SGIP1: variants seen among roughly 807,000 people sequenced by gnomAD.
The protein encoded by SGIP1 is SH3-containing GRB2-like protein 3-interacting protein 1.
SGIP1 carries 38 observed loss-of-function variants against 107.5 expected under a neutral mutation model. The ratio of observed to expected loss-of-function variants is 0.35; its 90% CI spans 0.27 to 0.46. The LOEUF (loss-of-function observed/expected upper bound fraction) is 0.46, where lower values mean the gene tolerates loss of function less well. Among genes scored for constraint, SGIP1 ranks in the 20% least tolerant of loss-of-function variants. The probability of loss-of-function intolerance (pLI) is 1.00; values close to 1 mark genes in which losing one functional copy is unlikely to be tolerated. For missense variants in SGIP1, 929 were observed against 1,019.5 expected (o/e 0.91, Z 1.21); for synonymous variants, 365 against 366.1 (o/e 1.00, Z 0.03).
At chr1:66,673,507 C>A in intron 12 of SGIP1, 141 bp downstream of exon 12, 2 of 704,706 alleles carry the variant, frequency 2.8e-6, no homozygotes, top group Non-Finnish European at 4.2e-6. Flanking sequence ...TCTAGGTGTG[C>A]TGTCAAGAAC....
intron 7 of SGIP1, among the ~76,000 whole-genome samples, chr1:66,648,004 G>A (rs1026529439): frequency 1.3e-5 from 2 of 152,204 alleles, no homozygotes; most frequent in Non-Finnish European, 2.9e-5. Flanking sequence ...TACCTGTGAT[G>A]TGGGGTGGGC....
intron 1 of SGIP1, among the ~76,000 whole-genome samples, chr1:66,619,573 T>C (rs1336943379): frequency 2.6e-5 from 4 of 152,208 alleles, no homozygotes; most frequent in Admixed American, 2.6e-4. Context: ...GCTAAGATGC[T>C]GATAGGAAGG....
intron 15 of SGIP1, among the ~76,000 whole-genome samples, chr1:66,685,455 G>A (rs1166732367): frequency 6.6e-6 from 1 of 152,206 alleles, no homozygotes; most frequent in Non-Finnish European, 1.5e-5. Context: ...TCCCATGTGG[G>A]TTGTGTGCCA....
intron 1 of SGIP1, among the ~76,000 whole-genome samples, chr1:66,623,158 C>T (rs888757841): frequency 3.0e-4 from 45 of 152,136 alleles, no homozygotes; most frequent in African/African-American, 1.0e-3. Flanking sequence ...GAATAACTTA[C>T]TTTCATAACT....
At chr1:66,710,447 T>G (rs1350192946) in intron 18 of SGIP1, among the ~76,000 whole-genome samples, 1 of 152,122 alleles carries the variant, frequency 6.6e-6, no homozygotes, top group East Asian at 1.9e-4. Context: ...TTACATAAAC[T>G]AATGAAACTC....
chr1:66,687,729 A>G (rs1377846594), intron 15 of SGIP1, among the ~76,000 whole-genome samples: 1 of 152,214 alleles, frequency 6.6e-6, no homozygotes, highest in Non-Finnish European at 1.5e-5. Flanking sequence ...TTATCAGGGG[A>G]ATAAGATCAT....
intron 1 of SGIP1, among the ~76,000 whole-genome samples, chr1:66,598,696 T>C (rs1033670869): frequency 2.0e-5 from 3 of 152,106 alleles, no homozygotes; most frequent in Non-Finnish European, 4.4e-5. Flanking sequence ...CCACACACTT[T>C]TGAACAACCA....
chr1:66,550,915 GGT>G (rs1209649852), intron 1 of SGIP1, among the ~76,000 whole-genome samples: 1 of 151,960 alleles, frequency 6.6e-6, no homozygotes. Flanking sequence ...ACTAAGAAAT[GGT>G]GTCTCTTAAT....
chr1:66,536,260 C>T (rs2053585842), intron 1 of SGIP1, among the ~76,000 whole-genome samples: 1 of 143,118 alleles, frequency 7.0e-6, no homozygotes, highest in Admixed American at 7.1e-5. Flanking sequence ...ATGAATTATA[C>T]TATGGATACA....
rs111505638 is a variant in SGIP1 at position 66,631,099 on chromosome 1, GAAAA to G, written c.75-1967_75-1964del. Among the ~76,000 whole-genome samples the G allele has an allele frequency of 4.0e-3, 537 of 134,222 alleles. 1 individual carries two copies. Among genetic ancestry groups the G allele is most frequent in the Non-Finnish European group, 4.5e-3 (277 of 61,644 alleles). 88.1% of individuals were successfully genotyped at this position (134,222 alleles called of 152,430 possible). A position where few individuals can be genotyped will look rare whatever the true frequency, so the allele number is the denominator to read the frequency against. The stretch of plus-strand genomic sequence containing the variant: ...AGAAAGAAAGAAAGAAAGAAAGAAA[GAAAA>G]AAAGAAAGACTGACTCAGTATATAG... On this transcript the variant is annotated intron_variant, in intron 2 of 24. Transcript: ENST00000371037.
rs572778239 is a variant in SGIP1 at position 66,726,341 on chromosome 1, C to G, written c.1743-2923C>G. ...GCAGTCAGTAAAGGGTGAATTGGAA[C>G]GGGGAGGCAATGATTGATTTTATAT... On this transcript the variant is annotated intron_variant, in intron 19 of 24. Coordinates refer to ENST00000371037, the MANE Select transcript of SGIP1 (RefSeq NM_032291.4). 3.3e-5 allele frequency among the ~76,000 whole-genome samples: 5 copies of G among 152,166 alleles called. No individual in the cohort carries two copies. The South Asian group carries it at 6.2e-4, about 19-fold the overall frequency.
chr1:66,649,615 C>T (rs2078338800), intron 7 of SGIP1, among the ~76,000 whole-genome samples: 3 of 152,076 alleles, frequency 2.0e-5, no homozygotes, highest in Admixed American at 6.6e-5. Context: ...AGAAGCAAAC[C>T]TCCATTATAT....
At chr1:66,623,303 G>T (rs2071680198) in intron 1 of SGIP1, among the ~76,000 whole-genome samples, 2 of 151,876 alleles carry the variant, frequency 1.3e-5, no homozygotes, top group South Asian at 2.1e-4. Context: ...AGGCTGGAGT[G>T]CAATGGCCTG....
At chr1:66,573,427 T>G (rs1410079030) in intron 1 of SGIP1, among the ~76,000 whole-genome samples, 1 of 152,092 alleles carries the variant, frequency 6.6e-6, no homozygotes, top group African/African-American at 2.4e-5. Flanking sequence ...CAAAGGAATA[T>G]AAATTATTCT....
At chr1:66,729,465 G>A in intron 20 of SGIP1, 46 bp downstream of exon 20, 2 of 1,608,566 alleles carry the variant, frequency 1.2e-6, no homozygotes, top group Non-Finnish European at 1.7e-6. Flanking sequence ...ATGTGGCTTA[G>A]TACTTTGTAC....
chr1:66,673,381 T>C lies in SGIP1; in HGVS notation c.646+15T>C, dbSNP rs1315469945. 6.3e-7 allele frequency: 1 copy of C among 1,580,320 alleles called. No homozygotes were observed. Among genetic ancestry groups the C allele is most frequent in the East Asian group, 2.2e-5 (1 of 44,666 alleles). On this transcript the variant is annotated intron_variant, in intron 12 of 24. Coordinates refer to ENST00000371037, the MANE Select transcript of SGIP1 (RefSeq NM_032291.4). ...GAAGACAGAAGGTAGGAAAAGAAAC[T>C]CCATATATTATAGATTTGTTTTTTC...
At chr1:66,637,440 CGTGTGTGTGTGTGTTTGTGTGTGTGT>C (rs2075995596) in intron 4 of SGIP1, among the ~76,000 whole-genome samples, 4 of 112,476 alleles carry the variant, frequency 3.6e-5, no homozygotes, top group East Asian at 2.3e-4. Context: ...CTAATAAAGC[CGTGTGTGTGTGTGTTTGTGTGTGTGT>C]GTGTGTGTGT....
chr1:66,596,215 T>G (rs2064645534), intron 1 of SGIP1, among the ~76,000 whole-genome samples: 1 of 152,172 alleles, frequency 6.6e-6, no homozygotes, highest in Non-Finnish European at 1.5e-5. Context: ...TCCTGAGCTC[T>G]TGTACCACGC....
chr1:66,688,727 T>C (rs945244067), intron 15 of SGIP1, among the ~76,000 whole-genome samples: 1 of 152,176 alleles, frequency 6.6e-6, no homozygotes, highest in African/African-American at 2.4e-5. Flanking sequence ...GAAAAATCAT[T>C]CATCTTCCTT....
Sources: allele counts gnomAD v4.1 joint callset (sites outside exome capture counted in the v4.1 genomes callset), GRCh38; gene constraint gnomAD v4.1.1; transcripts MANE v1.5; gene names NCBI Gene and HGNC (gene_info 2026-07-23, HGNC 2026-07-21).